The following RBFOX1 variants were observed in gnomAD, a reference collection of about 807,000 sequenced individuals.
RBFOX1 encodes RNA binding fox-1 homolog 1.
A neutral mutation model predicts 57.7 loss-of-function variants in RBFOX1; 8 were observed. The observed-to-expected ratio is 0.14, with a 90% confidence interval of 0.08 to 0.25. RBFOX1 has a LOEUF of 0.25. Among genes scored for constraint, RBFOX1 ranks in the 10% least tolerant of loss-of-function variants. RBFOX1 has a pLI of 1.00. For synonymous variants in RBFOX1, 326 were observed against 222.4 expected, an observed-to-expected ratio of 1.47 and a Z score of -4.15; for missense variants, 611 against 548.5, an observed-to-expected ratio of 1.11 and a Z score of -1.14.
intron 3 of RBFOX1, among the ~76,000 whole-genome samples, chr16:6,734,521 A>G (rs774334970): frequency 1.4e-4 from 21 of 152,162 alleles, no homozygotes; most frequent in Non-Finnish European, 2.6e-4. Flanking sequence ...ACTTACTTGA[A>G]TTCTCCCAAA....
At chr16:6,780,217 A>T (rs868126379) in intron 3 of RBFOX1, among the ~76,000 whole-genome samples, 6 of 66,258 alleles carry the variant, frequency 9.1e-5, no homozygotes, top group South Asian at 6.1e-4. Context: ...ATTTATATAT[A>T]TTTATATATA....
intron 1 of RBFOX1, among the ~76,000 whole-genome samples, chr16:5,422,899 A>G (rs2067390870): frequency 1.1e-5 from 1 of 92,908 alleles, no homozygotes; most frequent in Non-Finnish European, 2.1e-5. Flanking sequence ...AGGAGGAAGG[A>G]GGGGAGGAAA....
At chr16:6,560,112 C>T (rs549706422) in intron 2 of RBFOX1, among the ~76,000 whole-genome samples, 28 of 146,326 alleles carry the variant, frequency 1.9e-4, no homozygotes, top group African/African-American at 5.0e-4. Context: ...TCACATTGTG[C>T]GGTGGGGTAA....
intron 4 of RBFOX1, among the ~76,000 whole-genome samples, chr16:7,416,648 C>A (rs775516214): frequency 6.6e-6 from 1 of 152,118 alleles, no homozygotes; most frequent in Non-Finnish European, 1.5e-5. Context: ...CATTGAAAAC[C>A]AGAGGACCCC....
At chr16:6,210,484 C>G (rs116531468) in intron 1 of RBFOX1, among the ~76,000 whole-genome samples, 4 of 151,794 alleles carry the variant, frequency 2.6e-5, no homozygotes, top group Admixed American at 6.6e-5. Flanking sequence ...AATCCCAGCA[C>G]TTTAAGAAGC....
intron 1 of RBFOX1, among the ~76,000 whole-genome samples, chr16:6,047,803 C>G (rs1265296187): frequency 2.0e-5 from 3 of 152,160 alleles, no homozygotes; most frequent in Admixed American, 1.3e-4. Context: ...CCACACCAAT[C>G]AGAGCAGCAT....
chr16:7,096,332 G>A (rs1471102311), intron 4 of RBFOX1, among the ~76,000 whole-genome samples: 1 of 152,150 alleles, frequency 6.6e-6, no homozygotes, highest in South Asian at 2.1e-4. Flanking sequence ...GGTGGATGCA[G>A]ATCATCTCAC....
intron 3 of RBFOX1, among the ~76,000 whole-genome samples, chr16:5,834,569 G>T (rs1005182540): frequency 6.7e-6 from 1 of 148,226 alleles, no homozygotes; most frequent in African/African-American, 2.5e-5. Context: ...ATATAGAAGT[G>T]CATGTGTCAT....
chr16:6,546,626 T>C (rs921983963), intron 2 of RBFOX1, among the ~76,000 whole-genome samples: 2 of 152,204 alleles, frequency 1.3e-5, no homozygotes, highest in East Asian at 1.9e-4. Flanking sequence ...CATTTCTCCT[T>C]CTTATAAGGA....
At chr16:6,935,022 G>T (rs547437676) in intron 3 of RBFOX1, among the ~76,000 whole-genome samples, 3 of 151,918 alleles carry the variant, frequency 2.0e-5, no homozygotes, top group Non-Finnish European at 4.4e-5. Flanking sequence ...CAGGAGGCAG[G>T]GGTTGTTGCA....
intron 4 of RBFOX1, among the ~76,000 whole-genome samples, chr16:7,124,764 A>G (rs2068060884): frequency 6.6e-6 from 1 of 152,058 alleles, no homozygotes; most frequent in Non-Finnish European, 1.5e-5. Flanking sequence ...TGATTTTTCA[A>G]TGAGGAATGC....
intron 4 of RBFOX1, among the ~76,000 whole-genome samples, chr16:5,974,480 T>A (rs796952950): frequency 2.0e-5 from 3 of 151,828 alleles, no homozygotes; most frequent in African/African-American, 7.2e-5. Flanking sequence ...CGTGGTGGTG[T>A]GCACCTGTAA....
intron 4 of RBFOX1, among the ~76,000 whole-genome samples, chr16:5,991,645 GTTTTTTT>G (rs60004233): frequency 8.1e-6 from 1 of 123,934 alleles, no homozygotes; most frequent in Non-Finnish European, 1.8e-5. Context: ...TTATTAGATA[GTTTTTTT>G]TTTTTTTTTT....
At chr16:7,512,728 C>T (rs2075431674) in intron 4 of RBFOX1, among the ~76,000 whole-genome samples, 1 of 152,232 alleles carries the variant, frequency 6.6e-6, no homozygotes, top group Non-Finnish European at 1.5e-5. Context: ...CCAGCTGGCC[C>T]TTGCCTTTCC....
At chr16:6,597,293 C>G (rs1482032277) in intron 2 of RBFOX1, among the ~76,000 whole-genome samples, 1 of 152,238 alleles carries the variant, frequency 6.6e-6, no homozygotes, top group East Asian at 1.9e-4. Flanking sequence ...GTTTTATACC[C>G]TAAAGCCATC....
At chr16:7,298,285 G>GTTTTT (rs201092743) in intron 4 of RBFOX1, among the ~76,000 whole-genome samples, 8 of 96,592 alleles carry the variant, frequency 8.3e-5, no homozygotes, top group Non-Finnish European at 1.3e-4. Context: ...GTTTTTTTTT[G>GTTTTT]TTTTTTTTTT....
chr16:6,518,797 G>GTCTGTCTATCTA (rs1278136972), intron 2 of RBFOX1, among the ~76,000 whole-genome samples: 304 of 104,066 alleles, frequency 2.9e-3, no homozygotes, highest in Middle Eastern at 0.01. Context: ...CTGTGTGTCT[G>GTCTGTCTATCTA]TCTATCTATC....
At chr16:6,494,254 T>C (rs1029958803) in intron 2 of RBFOX1, among the ~76,000 whole-genome samples, 4 of 152,204 alleles carry the variant, frequency 2.6e-5, no homozygotes, top group Non-Finnish European at 5.9e-5. Context: ...TTTGTGTGTA[T>C]ATATATTGTT....
intron 2 of RBFOX1, among the ~76,000 whole-genome samples, chr16:6,374,633 A>G (rs2090929953): frequency 1.3e-5 from 2 of 152,190 alleles, no homozygotes; most frequent in African/African-American, 2.4e-5. Context: ...TCTTTTTTCC[A>G]CAGTACTTTA....
Sources: allele counts gnomAD v4.1 joint callset (sites outside exome capture counted in the v4.1 genomes callset), GRCh38; gene constraint gnomAD v4.1.1; transcripts MANE v1.5; gene names NCBI Gene and HGNC (gene_info 2026-07-23, HGNC 2026-07-21).